MAGI2: variants seen among roughly 807,000 people sequenced by gnomAD.
MAGI2 encodes membrane associated guanylate kinase, WW and PDZ domain containing 2.
A neutral mutation model predicts 133.3 loss-of-function variants in MAGI2; 35 were observed. That is an observed-to-expected ratio of 0.26 (90% CI 0.20 to 0.35). The LOEUF is 0.35. Ranked by LOEUF, MAGI2 falls within the 10% of genes least tolerant of loss-of-function variation. The probability of loss-of-function intolerance (pLI) is 1.00; values close to 1 mark genes in which losing one functional copy is unlikely to be tolerated. For synonymous variants in MAGI2, 729 were observed against 710.6 expected, an observed-to-expected ratio of 1.03 and a Z score of -0.41; for missense variants, 1,636 against 1,863.4, an observed-to-expected ratio of 0.88 and a Z score of 2.25.
chr7:79,400,249 T>C (rs1845372628), intron 1 of MAGI2, among the ~76,000 whole-genome samples: 1 of 152,194 alleles, frequency 6.6e-6, no homozygotes, highest in Non-Finnish European at 1.5e-5. Flanking sequence ...TACAATCACA[T>C]TTCAACTTTC....
At position 78,404,199 on chromosome 7, in the gene MAGI2, C is replaced by G. The variant is rs1797163294; in HGVS notation, c.1046-34986G>C. Among the ~76,000 whole-genome samples the G allele has an allele frequency of 2.0e-5, 3 of 152,292 alleles. No individual in the cohort carries two copies. In the South Asian group the frequency reaches 6.2e-4, roughly 32 times the overall value. ...CAAACAAATAGAAGAACATTCCATG[C>G]TCATGGATAGGAAGAATCAATATCG... On this transcript the variant is annotated intron_variant, in intron 6 of 21. Transcript: ENST00000354212.
intron 9 of MAGI2, among the ~76,000 whole-genome samples, chr7:78,262,662 T>G (rs916952812): frequency 2.0e-5 from 3 of 152,072 alleles, no homozygotes; most frequent in Non-Finnish European, 2.9e-5. Context: ...TATTCATTAA[T>G]TTATTCAGCA....
intron 7 of MAGI2, among the ~76,000 whole-genome samples, chr7:78,364,730 G>A (rs1466076794): frequency 6.6e-6 from 1 of 152,132 alleles, no homozygotes; most frequent in Non-Finnish European, 1.5e-5. Flanking sequence ...AAACCAAAAT[G>A]TACCCTGCAG....
chr7:78,428,637 G>A (rs1799507518), intron 6 of MAGI2, among the ~76,000 whole-genome samples: 1 of 152,118 alleles, frequency 6.6e-6, no homozygotes, highest in Non-Finnish European at 1.5e-5. Flanking sequence ...TTTAAGGCTG[G>A]TGCCTTTACT....
intron 7 of MAGI2, among the ~76,000 whole-genome samples, chr7:78,366,722 A>G (rs1793417292): frequency 6.6e-6 from 1 of 152,176 alleles, no homozygotes; most frequent in Admixed American, 6.5e-5. Context: ...GATGTTTCCA[A>G]TAAATATTGG....
chr7:79,306,324 G>A (rs201586179), intron 1 of MAGI2, among the ~76,000 whole-genome samples: 1 of 143,344 alleles, frequency 7.0e-6, no homozygotes, highest in Non-Finnish European at 1.5e-5. Flanking sequence ...ATATATATGT[G>A]TATATATATA....
intron 6 of MAGI2, among the ~76,000 whole-genome samples, chr7:78,445,054 G>T (rs1310194858): frequency 2.0e-5 from 3 of 151,692 alleles, no homozygotes; most frequent in Non-Finnish European, 4.4e-5. Flanking sequence ...AGATCTCCTT[G>T]GGTGGTTACA....
intron 2 of MAGI2, among the ~76,000 whole-genome samples, chr7:78,679,996 C>A (rs1240081514): frequency 2.0e-5 from 3 of 152,078 alleles, no homozygotes; most frequent in Admixed American, 6.6e-5. Context: ...AAAGCAAAAT[C>A]AAAATCAAAA....
At chr7:79,159,663 G>T (rs1462841093) in intron 1 of MAGI2, among the ~76,000 whole-genome samples, 1 of 151,976 alleles carries the variant, frequency 6.6e-6, no homozygotes, top group Non-Finnish European at 1.5e-5. Flanking sequence ...TTTAATGCGA[G>T]AAGTTTTTAA....
intron 3 of MAGI2, among the ~76,000 whole-genome samples, chr7:78,570,675 C>T (rs1181321056): frequency 6.6e-6 from 1 of 152,020 alleles, no homozygotes; most frequent in Non-Finnish European, 1.5e-5. Flanking sequence ...AAATGCTGGG[C>T]AAGAAAATTT....
chr7:79,409,927 A>G (rs1846039203), intron 1 of MAGI2: 1 of 152,182 alleles, frequency 6.6e-6, no homozygotes. Context: ...GCTGTTTGAC[A>G]TATGTTAGAC....
intron 6 of MAGI2, among the ~76,000 whole-genome samples, chr7:78,410,423 T>A (rs1383594335): frequency 6.6e-6 from 1 of 152,078 alleles, no homozygotes; most frequent in Non-Finnish European, 1.5e-5. Flanking sequence ...TTAGATTAAA[T>A]GATCCTAGAA....
chr7:78,204,523 T>C (rs1829551505), intron 10 of MAGI2, among the ~76,000 whole-genome samples: 2 of 152,162 alleles, frequency 1.3e-5, no homozygotes, highest in African/African-American at 4.8e-5. Context: ...ATAATAGTAA[T>C]AGTAATAGTT....
chr7:78,346,623 A>G (rs1181344974), intron 7 of MAGI2, among the ~76,000 whole-genome samples: 4 of 152,234 alleles, frequency 2.6e-5, no homozygotes, highest in African/African-American at 7.2e-5. Flanking sequence ...CATATTCTAC[A>G]TGGTGAGAGG....
chr7:79,002,379 A>G (rs1806958447), intron 2 of MAGI2, among the ~76,000 whole-genome samples: 1 of 151,950 alleles, frequency 6.6e-6, no homozygotes, highest in Non-Finnish European at 1.5e-5. Context: ...TCTGGGCTCA[A>G]GTTCCTAAGG....
At chr7:78,145,796 G>A (rs1823254615) in intron 16 of MAGI2, among the ~76,000 whole-genome samples, 2 of 152,144 alleles carry the variant, frequency 1.3e-5, no homozygotes, top group Admixed American at 6.5e-5. Flanking sequence ...CCTCCTTGCT[G>A]TATCCTCATA....
chr7:78,682,583 T>C (rs1815805199), intron 2 of MAGI2, among the ~76,000 whole-genome samples: 1 of 152,216 alleles, frequency 6.6e-6, no homozygotes, highest in African/African-American at 2.4e-5. Flanking sequence ...TAGTATTCCA[T>C]GGTGTATATG....
At chr7:78,747,584 C>T (rs1171611827) in intron 2 of MAGI2, among the ~76,000 whole-genome samples, 1 of 152,058 alleles carries the variant, frequency 6.6e-6, no homozygotes, top group Non-Finnish European at 1.5e-5. Flanking sequence ...GTAAAATATC[C>T]TAATACTGCT....
chr7:78,529,668 G>GTTTTTTTTTTTTTTTTTTTT lies in MAGI2; in HGVS notation c.539-8043_539-8024dup, dbSNP rs554010061. 1.3e-3 allele frequency among the ~76,000 whole-genome samples: 75 copies of GTTTTTTTTTTTTTTTTTTTT among 57,414 alleles called. 16 individuals carry two copies. Among genetic ancestry groups the GTTTTTTTTTTTTTTTTTTTT allele is most frequent in the Non-Finnish European group, 1.8e-3 (53 of 28,726 alleles). 37.7% of individuals were successfully genotyped at this position (57,414 alleles called of 152,430 possible). A position where few individuals can be genotyped will look rare whatever the true frequency, so the allele number is the denominator to read the frequency against. ...TTTCTTTTCCTTGCTAAAGGAGATG[G>GTTTTTTTTTTTTTTTTTTTT]TTTTTTTTTTTTTTTTTTTTTTTTT... is the stretch of plus-strand genomic sequence containing the variant. On this transcript the variant is annotated intron_variant, in intron 3 of 21. Coordinates refer to ENST00000354212, the MANE Select transcript of MAGI2 (RefSeq NM_012301.4).
Sources: allele counts gnomAD v4.1 joint callset (sites outside exome capture counted in the v4.1 genomes callset), GRCh38; gene constraint gnomAD v4.1.1; transcripts MANE v1.5; gene names NCBI Gene and HGNC (gene_info 2026-07-23, HGNC 2026-07-21).